TBX21: variants seen among roughly 807,000 people sequenced by gnomAD.
TBX21 encodes the protein T-box transcription factor TBX21.
TBX21 carries 11 observed loss-of-function variants against 52.2 expected under a neutral mutation model. The ratio of observed to expected loss-of-function variants is 0.21; its 90% CI spans 0.13 to 0.35. The LOEUF (loss-of-function observed/expected upper bound fraction) is 0.35, where lower values mean the gene tolerates loss of function less well. TBX21 is among the 10% of genes least tolerant of loss of function. TBX21 has a pLI of 1.00. For synonymous variants in TBX21, 300 were observed against 316.1 expected (o/e 0.95, Z 0.54); for missense variants, 625 against 755.1 (o/e 0.83, Z 2.02).
intron 1 of TBX21, among the ~76,000 whole-genome samples, chr17:47,734,728 G>T (rs1190650878): frequency 1.3e-5 from 2 of 151,744 alleles, no homozygotes; most frequent in Non-Finnish European, 2.9e-5. Flanking sequence ...CAGGGGTCCA[G>T]CCTGGTAGCC....
intron 1 of TBX21, among the ~76,000 whole-genome samples, chr17:47,738,883 G>A (rs966028317): frequency 1.3e-5 from 2 of 152,222 alleles, no homozygotes; most frequent in Non-Finnish European, 1.5e-5. Flanking sequence ...TTACAGGCGT[G>A]AGCCACCACG....
Position 47,733,742 on chromosome 17 carries a change from C to A in TBX21, c.288C>A (p.Pro96=). 1 of 1,443,202 alleles carries A rather than the reference C, an allele frequency of 6.9e-7. No individual in the cohort carries two copies. The highest frequency in any genetic ancestry group is 9.1e-7 in the Non-Finnish European group (1 of 1,102,324). 89.4% of individuals were successfully genotyped at this position (1,443,202 alleles called of 1,614,324 possible). A position where few individuals can be genotyped will look rare whatever the true frequency, so the allele number is the denominator to read the frequency against. Residue 96 remains proline (P), a synonymous_variant, in exon 1 of 6, where the codon CCC becomes CCA. Coordinates refer to ENST00000177694, the MANE Select transcript of TBX21 (RefSeq NM_013351.2). This position sits in a 1 kb window ranked among gnomAD's most constrained non-coding sequence, Gnocchi z 6.6. ...GCGCGGGCGAGTCCTTCCCGCCGCC[C>A]GCGGACGCCGAGGGCTACCAGCCGG... ...FPGAGESFPP[P]ADAEGYQPGE... is the part of the protein sequence containing the mutation.
At chr17:47,736,623 AG>A (rs1470457220) in intron 1 of TBX21, among the ~76,000 whole-genome samples, 3 of 152,072 alleles carry the variant, frequency 2.0e-5, no homozygotes, top group Non-Finnish European at 4.4e-5. Flanking sequence ...GCTGCCATGG[AG>A]GGGACAGAGG....
intron 1 of TBX21, among the ~76,000 whole-genome samples, chr17:47,737,698 T>G (rs1416783566): frequency 1.3e-5 from 2 of 151,872 alleles, no homozygotes; most frequent in African/African-American, 4.8e-5. Flanking sequence ...CAATCTTGGC[T>G]CACTGCAACC....
intron 5 of TBX21, 43 bp from the exon 6 acceptor site, chr17:47,744,705 G>A: frequency 6.3e-7 from 1 of 1,598,864 alleles, no homozygotes; most frequent in Non-Finnish European, 8.5e-7. Flanking sequence ...CAGGTGACTG[G>A]TTCTGCTTGT....
intron 1 of TBX21, among the ~76,000 whole-genome samples, chr17:47,738,916 T>C (rs2032237986): frequency 6.6e-6 from 1 of 152,236 alleles, no homozygotes; most frequent in African/African-American, 2.4e-5. Flanking sequence ...TATCAATTTT[T>C]AAACATTGAC....
Position 47,733,769 on chromosome 17 carries a change from C to T in TBX21, c.315C>T (p.Gly105=). The T allele has an allele frequency of 6.6e-7, 1 of 1,508,840 alleles. No homozygotes were observed. Among genetic ancestry groups the T allele is most frequent in the Non-Finnish European group, 8.8e-7 (1 of 1,131,104 alleles). The allele number at this position is 1,508,840 out of a possible 1,614,324, so 93.5% of individuals were successfully genotyped here. A position where few individuals can be genotyped will look rare whatever the true frequency, so the allele number is the denominator to read the frequency against. ...PPADAEGYQP[G]EGYAAPDPRA... The stretch of plus-strand genomic sequence containing the variant: ...CGGACGCCGAGGGCTACCAGCCGGG[C>T]GAGGGCTACGCCGCCCCGGACCCGC... The change falls in exon 1 of 6, where the codon GGC becomes GGT. Residue 105 remains glycine (G), a synonymous_variant. Coordinates refer to ENST00000177694, the MANE Select transcript of TBX21 (RefSeq NM_013351.2). The surrounding 1 kb of genome is among the most constrained non-coding windows in gnomAD (Gnocchi z 6.6).
chr17:47,741,758 C>T (rs1166745563), intron 1 of TBX21, among the ~76,000 whole-genome samples: 5 of 151,978 alleles, frequency 3.3e-5, no homozygotes, highest in African/African-American at 1.2e-4. Flanking sequence ...GCTGGTGGTG[C>T]CCCCTCCTAG....
chr17:47,737,711 C>T (rs1054143387), intron 1 of TBX21, among the ~76,000 whole-genome samples: 2 of 151,728 alleles, frequency 1.3e-5, no homozygotes, highest in East Asian at 1.9e-4. Flanking sequence ...CTGCAACCTG[C>T]ACCTCCCAGG....
Position 47,733,414 on chromosome 17 carries a change from C to T in TBX21, c.-41C>T. The T allele has an allele frequency of 6.9e-7, 1 of 1,445,860 alleles. No homozygotes were observed. The allele number at this position is 1,445,860 out of a possible 1,614,324, so 89.6% of individuals were successfully genotyped here. A position where few individuals can be genotyped will look rare whatever the true frequency, so the allele number is the denominator to read the frequency against. ...CGCGACCCTCTCGCGCGCGGAGGGG[C>T]GGGTCCTCGACGGCTACGGGAAGGT... On this transcript the variant is annotated 5_prime_UTR_variant, in exon 1 of 6. Coordinates refer to ENST00000177694, the MANE Select transcript of TBX21 (RefSeq NM_013351.2). The surrounding 1 kb of genome is among the most constrained non-coding windows in gnomAD (Gnocchi z 6.6).
At chr17:47,744,108 C>G (rs139442218) in intron 3 of TBX21, 87 bp from the exon 4 acceptor site, 303 of 1,540,510 alleles carry the variant, frequency 2.0e-4, no homozygotes, top group Admixed American at 6.7e-4. Flanking sequence ...GCTTGCTAGC[C>G]TCACGTGGGG....
intron 1 of TBX21, among the ~76,000 whole-genome samples, chr17:47,734,373 C>G (rs1181642886): frequency 6.6e-6 from 1 of 151,968 alleles, no homozygotes; most frequent in African/African-American, 2.4e-5. Context: ...TATCTCCGGG[C>G]CCCCTGCGCC....
intron 1 of TBX21, among the ~76,000 whole-genome samples, chr17:47,736,604 A>G (rs1337508896): frequency 6.6e-6 from 1 of 152,062 alleles, no homozygotes; most frequent in Non-Finnish European, 1.5e-5. Context: ...CAGGCTTCAT[A>G]GACCCCACGC....
At chr17:47,734,988 C>T (rs1489433331) in intron 1 of TBX21, among the ~76,000 whole-genome samples, 1 of 152,038 alleles carries the variant, frequency 6.6e-6, no homozygotes, top group East Asian at 1.9e-4. Flanking sequence ...AAGCAACCCC[C>T]GGAGTGGACT....
At chr17:47,740,151 C>T (rs2032252450) in intron 1 of TBX21, among the ~76,000 whole-genome samples, 1 of 151,784 alleles carries the variant, frequency 6.6e-6, no homozygotes, top group South Asian at 2.1e-4. Context: ...CCGCAACCTT[C>T]GCCTCCCAGG....
chr17:47,736,494 C>G (rs531004818), intron 1 of TBX21, among the ~76,000 whole-genome samples: 1 of 152,102 alleles, frequency 6.6e-6, no homozygotes, highest in East Asian at 1.9e-4. Flanking sequence ...GTTTTCCAAT[C>G]CTCACACTTT....
At chr17:47,740,008 G>A (rs562293411) in intron 1 of TBX21, among the ~76,000 whole-genome samples, 2 of 152,228 alleles carry the variant, frequency 1.3e-5, no homozygotes, top group African/African-American at 4.8e-5. Context: ...ACCGAGGACC[G>A]TCACCAAACC....
chr17:47,733,288 G>C lies in TBX21; in HGVS notation c.-167G>C. The C allele has an allele frequency of 1.0e-6, 1 of 967,996 alleles. No individual in the cohort carries two copies. The highest frequency in any genetic ancestry group is 3.3e-5 in the East Asian group (1 of 29,946). 60.0% of individuals were successfully genotyped at this position (967,996 alleles called of 1,614,324 possible). A position where few individuals can be genotyped will look rare whatever the true frequency, so the allele number is the denominator to read the frequency against. The stretch of plus-strand genomic sequence containing the variant: ...CCCGAGAGCTGCCGCGCGCCTGCCG[G>C]ACGAGGGCGTAGAAGCCAGGCGTCA... On this transcript the variant is annotated 5_prime_UTR_variant, in exon 1 of 6. Coordinates refer to ENST00000177694, the MANE Select transcript of TBX21 (RefSeq NM_013351.2). The surrounding 1 kb of genome is among the most constrained non-coding windows in gnomAD (Gnocchi z 6.6).
chr17:47,736,971 T>C (rs2032213937), intron 1 of TBX21, among the ~76,000 whole-genome samples: 1 of 151,972 alleles, frequency 6.6e-6, no homozygotes, highest in Admixed American at 6.6e-5. Context: ...CCTGGATCTA[T>C]CCCTCGGTAT....
Sources: allele counts gnomAD v4.1 joint callset (sites outside exome capture counted in the v4.1 genomes callset), GRCh38; gene constraint gnomAD v4.1.1; non-coding constraint Gnocchi (gnomAD v3.1); transcripts MANE v1.5; gene names NCBI Gene and HGNC (gene_info 2026-07-23, HGNC 2026-07-21).